The following TCF12 variants were observed in gnomAD, a reference collection of about 807,000 sequenced individuals.
TCF12 encodes DNA-binding protein HTF4.
In TCF12, 45 loss-of-function variants were observed where a neutral mutation model predicts 86.0. The ratio of observed to expected loss-of-function variants is 0.52; its 90% CI spans 0.41 to 0.67. The LOEUF (loss-of-function observed/expected upper bound fraction) is 0.67, where lower values mean the gene tolerates loss of function less well. TCF12 is among the 30% of genes least tolerant of loss of function. TCF12 has a pLI of 0.00. For missense variants in TCF12, 881 were observed against 859.9 expected (o/e 1.02, Z -0.31); for synonymous variants, 330 against 299.6 (o/e 1.10, Z -1.05).
chr15:57,239,067 A>G (rs1274746147), intron 12 of TCF12, among the ~76,000 whole-genome samples: 1 of 152,154 alleles, frequency 6.6e-6, no homozygotes, highest in Non-Finnish European at 1.5e-5. Context: ...TTAAAAGTAG[A>G]CTATAAGGGC....
At chr15:56,954,899 C>T (rs1465272442) in intron 3 of TCF12, among the ~76,000 whole-genome samples, 3 of 152,148 alleles carry the variant, frequency 2.0e-5, no homozygotes, top group Non-Finnish European at 2.9e-5. Flanking sequence ...AGTTAGGAAA[C>T]AACAGGTGCT....
chr15:57,231,557 T>C (rs2059140535), intron 9 of TCF12, among the ~76,000 whole-genome samples: 1 of 152,164 alleles, frequency 6.6e-6, no homozygotes, highest in Non-Finnish European at 1.5e-5. Flanking sequence ...GTATGAAAAC[T>C]GTTAACTCTA....
chr15:56,935,923 A>T (rs1215623274), intron 3 of TCF12, among the ~76,000 whole-genome samples: 5 of 152,164 alleles, frequency 3.3e-5, no homozygotes, highest in African/African-American at 7.2e-5. Context: ...AGCTGGTTCC[A>T]TATTTTTGCA....
intron 4 of TCF12, among the ~76,000 whole-genome samples, chr15:57,065,904 A>G (rs1392664553): frequency 2.0e-5 from 3 of 152,174 alleles, no homozygotes; most frequent in Admixed American, 6.5e-5. Context: ...CCACATATGT[A>G]TTTCTACCTG....
chr15:57,129,008 T>A (rs1359888507), intron 5 of TCF12, among the ~76,000 whole-genome samples: 2 of 152,200 alleles, frequency 1.3e-5, no homozygotes, highest in Non-Finnish European at 2.9e-5. Flanking sequence ...TGTACAAGTT[T>A]TTGTATGGAC....
chr15:57,281,603 G>T (rs1470751002), intron 19 of TCF12: 1 of 152,230 alleles, frequency 6.6e-6, no homozygotes, highest in East Asian at 1.9e-4. Context: ...CATCCTGTCA[G>T]ATCAGCGGCA....
At chr15:57,064,377 A>G (rs1332316222) in intron 4 of TCF12, among the ~76,000 whole-genome samples, 5 of 152,194 alleles carry the variant, frequency 3.3e-5, no homozygotes, top group African/African-American at 1.2e-4. Context: ...AAACAAAAAC[A>G]AAAACAAAAA....
intron 8 of TCF12, among the ~76,000 whole-genome samples, chr15:57,201,318 G>A (rs1171591531): frequency 6.6e-6 from 1 of 152,082 alleles, no homozygotes; most frequent in Non-Finnish European, 1.5e-5. Context: ...TGTACCAGGT[G>A]CTCTGGTGAC....
chr15:57,104,993 C>A (rs1567432655), intron 5 of TCF12, among the ~76,000 whole-genome samples: 1 of 151,178 alleles, frequency 6.6e-6, no homozygotes, highest in Non-Finnish European at 1.5e-5. Flanking sequence ...CCTGCCTCAG[C>A]CTCCCAAGTA....
chr15:57,218,280 A>G (rs1299825582), intron 8 of TCF12, among the ~76,000 whole-genome samples: 1 of 152,190 alleles, frequency 6.6e-6, no homozygotes, highest in Admixed American at 6.5e-5. Flanking sequence ...CCTACAAGGC[A>G]TAGAGGGAAG....
chr15:57,060,364 T>C (rs1486693262), intron 3 of TCF12, among the ~76,000 whole-genome samples: 1 of 152,238 alleles, frequency 6.6e-6, no homozygotes, highest in Non-Finnish European at 1.5e-5. Context: ...ATATTACATT[T>C]GACTTAATTG....
intron 5 of TCF12, among the ~76,000 whole-genome samples, chr15:57,164,976 C>G (rs1053339542): frequency 6.6e-6 from 1 of 152,116 alleles, no homozygotes. Flanking sequence ...CCACTGCCCC[C>G]CACCACAGCA....
rs59769575 is a variant in TCF12, at chr15:57,075,806, C to CTTTCTTTCTTTCTT, written c.222+11984_222+11985insTTCTTTCTTTCTTT. ...TCTTTCTTTCTTTCTTTCTTTCTTTCTCTCTCTCTCTCTCTCTCTCTCTCT... is the reference window on the plus strand; with the variant it reads ...TCTTTCTTTCTTTCTTTCTTTCTTTCTTTCTTTCTTTCTTTCTCTCTCTCTCTCTCTCTCTCTCT... On this transcript the variant is annotated intron_variant, in intron 4 of 20. Transcript: ENST00000333725. Among the ~76,000 whole-genome samples the CTTTCTTTCTTTCTT allele has an allele frequency of 9.0e-4, 61 of 68,030 alleles. 1 individual carries two copies. Among genetic ancestry groups the CTTTCTTTCTTTCTT allele is most frequent in the East Asian group, 1.3e-3 (2 of 1,560 alleles). 44.6% of individuals were successfully genotyped at this position (68,030 alleles called of 152,430 possible).
chr15:56,958,265 A>G (rs1249844523), intron 3 of TCF12, among the ~76,000 whole-genome samples: 1 of 152,148 alleles, frequency 6.6e-6, no homozygotes, highest in Non-Finnish European at 1.5e-5. Context: ...CTGGCCTGCA[A>G]ACTTTCTTAG....
chr15:57,090,077 G>T (rs1179165839), intron 4 of TCF12, among the ~76,000 whole-genome samples: 7 of 152,042 alleles, frequency 4.6e-5, no homozygotes, highest in African/African-American at 1.7e-4. Flanking sequence ...TTGATTGGGT[G>T]TGGTGGTGCA....
chr15:57,100,825 C>T lies in TCF12; in HGVS notation c.325+8934C>T, dbSNP rs565950906. ...TGGTATTTATGTAAGTTTTAATTAG[C>T]CATCAAAATAATTTTTTAAAAAAAT... On this transcript the variant is annotated intron_variant, in intron 5 of 20. Transcript: ENST00000333725. Among the ~76,000 whole-genome samples, 10 of 152,090 alleles carry T rather than the reference C, an allele frequency of 6.6e-5. No individual in the cohort carries two copies. In the South Asian group the frequency reaches 1.2e-3, roughly 19 times the overall value.
At chr15:57,247,727 T>G in intron 13 of TCF12, 1 of 733,508 alleles carries the variant, frequency 1.4e-6, no homozygotes, top group Non-Finnish European at 2.5e-6. Flanking sequence ...AAGAGCTCTC[T>G]TTGGTTCCAC....
At chr15:57,180,901 G>A (rs1421280490) in intron 6 of TCF12, among the ~76,000 whole-genome samples, 2 of 128,332 alleles carry the variant, frequency 1.6e-5, no homozygotes, top group East Asian at 2.5e-4. Context: ...TGCAAGCTCC[G>A]CCTCCCAGGT....
chr15:56,963,027 C>CTTTTTTTTTTT (rs532973260), intron 3 of TCF12, among the ~76,000 whole-genome samples: 53 of 96,174 alleles, frequency 5.5e-4, no homozygotes, highest in Non-Finnish European at 8.0e-4. Context: ...GTGTTAAGGT[C>CTTTTTTTTTTT]TTTTTTTTTT....
Sources: allele counts gnomAD v4.1 joint callset (sites outside exome capture counted in the v4.1 genomes callset), GRCh38; gene constraint gnomAD v4.1.1; transcripts MANE v1.5; gene names NCBI Gene and HGNC (gene_info 2026-07-23, HGNC 2026-07-21).